The following SAMD4A variants were observed in gnomAD, a reference collection of about 807,000 sequenced individuals.
The protein encoded by SAMD4A is sterile alpha motif domain containing 4A, also known as protein Smaug homolog 1.
In SAMD4A, 33 loss-of-function variants were observed where a neutral mutation model predicts 81.3. The ratio of observed to expected loss-of-function variants is 0.41; its 90% CI spans 0.31 to 0.54. The LOEUF is 0.54. Among genes scored for constraint, SAMD4A ranks in the 20% least tolerant of loss-of-function variants. The pLI, the probability that SAMD4A is intolerant of heterozygous loss-of-function variation, is 0.37. For missense variants in SAMD4A, 854 were observed against 951.1 expected (o/e 0.90, Z 1.34); for synonymous variants, 389 against 382.1 (o/e 1.02, Z -0.21).
chr14:54,611,682 G>A (rs2034359527), intron 2 of SAMD4A, among the ~76,000 whole-genome samples: 1 of 152,050 alleles, frequency 6.6e-6, no homozygotes, highest in South Asian at 2.1e-4. Flanking sequence ...TTCGAGACCA[G>A]CCTGGATAAC....
chr14:54,755,928 TAC>T (rs1219771961), intron 6 of SAMD4A, among the ~76,000 whole-genome samples: 9 of 152,028 alleles, frequency 5.9e-5, no homozygotes, highest in Admixed American at 4.6e-4. Context: ...GAAGGAAATA[TAC>T]ACACACACTC....
intron 2 of SAMD4A, among the ~76,000 whole-genome samples, chr14:54,585,560 T>C (rs2140160850): frequency 6.6e-6 from 1 of 152,302 alleles, no homozygotes; most frequent in East Asian, 1.9e-4. Flanking sequence ...AGTGCACACT[T>C]CACCCAGTGA....
chr14:54,637,409 A>G (rs1181443290), intron 2 of SAMD4A, among the ~76,000 whole-genome samples: 1 of 150,762 alleles, frequency 6.6e-6, no homozygotes, highest in Non-Finnish European at 1.5e-5. Flanking sequence ...AAGAGTAGGA[A>G]TTAGCAGAAG....
At chr14:54,673,864 A>G (rs1208752525) in intron 2 of SAMD4A, among the ~76,000 whole-genome samples, 1 of 152,162 alleles carries the variant, frequency 6.6e-6, no homozygotes, top group Non-Finnish European at 1.5e-5. Flanking sequence ...TAAACTTCAG[A>G]CCTCAGCTCA....
chr14:54,783,246 C>T (rs1469310839), intron 11 of SAMD4A, among the ~76,000 whole-genome samples: 1 of 151,848 alleles, frequency 6.6e-6, no homozygotes, highest in Non-Finnish European at 1.5e-5. Context: ...TTTCTTCGCT[C>T]AGTAGACATG....
In SAMD4A at chr14:54,764,353, A is replaced by G. The variant is rs2038482028; in HGVS notation, c.1511-102A>G. The G allele has an allele frequency of 5.1e-6, 4 of 783,184 alleles. No individual in the cohort carries two copies. In the East Asian group the frequency reaches 7.5e-5, roughly 15 times the overall value. The allele number at this position is 783,184 out of a possible 1,614,324, so 48.5% of individuals were successfully genotyped here. A position where few individuals can be genotyped will look rare whatever the true frequency, so the allele number is the denominator to read the frequency against. The stretch of plus-strand genomic sequence containing the variant: ...GAGCCTTACATAAAGCCACAGACAC[A>G]CATACCTCTCAGAGTGTTGGACCTG... On this transcript the variant is annotated intron_variant, in intron 7 of 12. Coordinates refer to ENST00000554335, the MANE Select transcript of SAMD4A (RefSeq NM_015589.6).
At chr14:54,733,628 G>A (rs1324686625) in intron 3 of SAMD4A, among the ~76,000 whole-genome samples, 3 of 151,954 alleles carry the variant, frequency 2.0e-5, no homozygotes, top group Admixed American at 2.0e-4. Context: ...TTTTTTTAAA[G>A]GTATACTTAA....
chr14:54,669,603 C>T (rs983996899), intron 2 of SAMD4A, among the ~76,000 whole-genome samples: 6 of 151,964 alleles, frequency 3.9e-5, no homozygotes, highest in South Asian at 4.1e-4. Context: ...GGACCACAGG[C>T]GTGCACCACT....
intron 2 of SAMD4A, among the ~76,000 whole-genome samples, chr14:54,625,171 G>A (rs746551432): frequency 1.3e-5 from 2 of 152,050 alleles, no homozygotes; most frequent in Non-Finnish European, 2.9e-5. Context: ...AGGAGATTAG[G>A]CAATCCCCAA....
intron 2 of SAMD4A, among the ~76,000 whole-genome samples, chr14:54,646,660 C>T (rs2035294130): frequency 6.6e-6 from 1 of 152,248 alleles, no homozygotes; most frequent in Admixed American, 6.5e-5. Flanking sequence ...GGAGAAAGAG[C>T]TCATGCTCCA....
chr14:54,570,613 A>G (rs1049211678), intron 2 of SAMD4A, among the ~76,000 whole-genome samples: 2 of 152,238 alleles, frequency 1.3e-5, no homozygotes, highest in African/African-American at 4.8e-5. Context: ...GAAACTTTGA[A>G]GGCTTGGGAA....
rs7157572 is a variant in SAMD4A, at chr14:54,701,677, C to A, written c.197-385C>A. Among the ~76,000 whole-genome samples, 1,249 of 152,324 alleles carry A rather than the reference C, an allele frequency of 8.2e-3. 14 individuals carry two copies. Among genetic ancestry groups the A allele is most frequent in the African/African-American group, 0.029 (1,185 of 41,568 alleles). On this transcript the variant is annotated intron_variant, in intron 2 of 12. Coordinates refer to ENST00000554335, the MANE Select transcript of SAMD4A (RefSeq NM_015589.6). Reference sequence around the variant, plus strand: ...TCACCCCCAGGACTCTGGAATGGGACCTTTGTTCATACTCACTTTTCTATG... The same window carrying A: ...TCACCCCCAGGACTCTGGAATGGGAACTTTGTTCATACTCACTTTTCTATG...
chr14:54,669,427 T>C (rs1389792342), intron 2 of SAMD4A, among the ~76,000 whole-genome samples: 1 of 150,794 alleles, frequency 6.6e-6, no homozygotes, highest in East Asian at 1.9e-4. Context: ...GCTTTATTTT[T>C]AGAAGCAACG....
chr14:54,755,466 G>A (rs1456862446), intron 6 of SAMD4A, among the ~76,000 whole-genome samples: 2 of 152,180 alleles, frequency 1.3e-5, no homozygotes, highest in African/African-American at 4.8e-5. Context: ...GCGTGGACAG[G>A]CCCTGAGGAG....
intron 2 of SAMD4A, chr14:54,687,171 C>G (rs1052677180): frequency 4.5e-5 from 16 of 356,490 alleles, no homozygotes; most frequent in African/African-American, 3.4e-4. Flanking sequence ...GAAGTGATGA[C>G]CTTTGTTTTT....
At chr14:54,634,487 G>A (rs1280272936) in intron 2 of SAMD4A, among the ~76,000 whole-genome samples, 1 of 152,146 alleles carries the variant, frequency 6.6e-6, no homozygotes, top group African/African-American at 2.4e-5. Flanking sequence ...GTGGGGACAG[G>A]GATGGGGGTT....
chr14:54,607,193 C>T (rs1385052991), intron 2 of SAMD4A, among the ~76,000 whole-genome samples: 1 of 152,164 alleles, frequency 6.6e-6, no homozygotes, highest in Non-Finnish European at 1.5e-5. Flanking sequence ...GGAGGGAGGG[C>T]GTTCCTGATG....
chr14:54,737,157 C>A lies in SAMD4A; in HGVS notation c.849C>A (p.Cys283Ter), dbSNP rs189199163. ...ACTTACGAGCTAGAGGACCCCAGTG[C>A]CTCCCATCCGATCATGCCCCCCTGT... ...HEDLRARGPQ[C>*]LPSDHAPLSP... The change falls in exon 4 of 13, where the codon TGC becomes TGA. Residue 283 changes from cysteine to a stop codon, truncating the protein, a stop_gained. Transcript: ENST00000554335. LOFTEE classifies it high-confidence loss of function. 1 of 1,614,100 alleles carries A rather than the reference C, an allele frequency of 6.2e-7. No homozygotes were observed. Among genetic ancestry groups the A allele is most frequent in the Non-Finnish European group, 8.5e-7 (1 of 1,180,022 alleles).
chr14:54,641,195 G>A (rs112810833), intron 2 of SAMD4A, among the ~76,000 whole-genome samples: 51 of 152,242 alleles, frequency 3.3e-4, no homozygotes, highest in African/African-American at 1.2e-3. Context: ...ACACCTCTCA[G>A]GGCTATTGTC....
Sources: gnomAD v4.1 joint callset for allele counts (sites outside exome capture counted in the v4.1 genomes callset) on GRCh38, gnomAD v4.1.1 for gene constraint, MANE v1.5 for transcripts, NCBI Gene and HGNC (gene_info 2026-07-23, HGNC 2026-07-21) for gene names.